Variants in PTPRZ1 observed in about 807,000 individuals in gnomAD.
PTPRZ1 encodes receptor-type tyrosine-protein phosphatase zeta.
Under a neutral mutation model 214.1 loss-of-function variants are expected in PTPRZ1, and 82 were observed. The ratio of observed to expected loss-of-function variants is 0.38; its 90% CI spans 0.32 to 0.46. The LOEUF is 0.46. Ranked by LOEUF, PTPRZ1 falls within the 20% of genes least tolerant of loss-of-function variation. PTPRZ1 has a pLI of 1.00. For missense variants in PTPRZ1, 2,603 were observed against 2,748.7 expected (o/e 0.95, Z 1.19); for synonymous variants, 945 against 987.9 (o/e 0.96, Z 0.81).
chr7:122,054,931 A>T lies in PTPRZ1; in HGVS notation c.6382-10A>T. ...AAATCTAGACTCTTCTTTCATTTGC[A>T]ATTCTGCAGGCAGAAGATGAATTTG... is the stretch of plus-strand genomic sequence containing the variant. On this transcript the variant is annotated splice_polypyrimidine_tract_variant and intron_variant, in intron 26 of 29. Transcript: ENST00000393386. The T allele has an allele frequency of 6.3e-7, 1 of 1,578,930 alleles. No homozygotes were observed.
At chr7:122,045,683 TACACAC>T (rs71172161) in intron 23 of PTPRZ1, among the ~76,000 whole-genome samples, 24 of 146,610 alleles carry the variant, frequency 1.6e-4, no homozygotes, top group Middle Eastern at 3.4e-3. Context: ...CTAAATAAAT[TACACAC>T]ACACACACAC....
At chr7:121,945,724 C>A (rs1218167976) in intron 2 of PTPRZ1, among the ~76,000 whole-genome samples, 5 of 152,252 alleles carry the variant, frequency 3.3e-5, no homozygotes, top group African/African-American at 1.2e-4. Flanking sequence ...CTTATACACA[C>A]CCTAGAGACA....
chr7:122,044,374 T>C (rs1455440674), intron 22 of PTPRZ1, 48 bp from the exon 23 acceptor site: 2 of 1,607,380 alleles, frequency 1.2e-6, no homozygotes, highest in Non-Finnish European at 8.5e-7. Flanking sequence ...GGTAGATACA[T>C]ATGAGGAAAA....
intron 1 of PTPRZ1, among the ~76,000 whole-genome samples, chr7:121,909,896 G>A (rs1449682248): frequency 1.3e-5 from 2 of 152,104 alleles, no homozygotes; most frequent in African/African-American, 4.8e-5. Context: ...ATGAAGCAGG[G>A]TACAGCTGCT....
At position 122,000,634 on chromosome 7, in the gene PTPRZ1, T is replaced by A. The variant is rs759493080; in HGVS notation, c.1240+2628T>A. On this transcript the variant is annotated intron_variant, in intron 10 of 29. Transcript: ENST00000393386. The stretch of plus-strand genomic sequence containing the variant: ...AGATAATTTATAATTGCTGTCATTC[T>A]TTGATAGATTTCATATATATATATA... 7.8e-5 allele frequency among the ~76,000 whole-genome samples: 10 copies of A among 127,446 alleles called. 1 individual carries two copies. Among genetic ancestry groups the A allele is most frequent in the Non-Finnish European group, 1.5e-4 (9 of 61,100 alleles). The allele number at this position is 127,446 out of a possible 152,430, so 83.6% of individuals were successfully genotyped here. A position where few individuals can be genotyped will look rare whatever the true frequency, so the allele number is the denominator to read the frequency against.
chr7:121,946,351 G>A (rs183849343), intron 2 of PTPRZ1, among the ~76,000 whole-genome samples: 305 of 152,250 alleles, frequency 2.0e-3, no homozygotes, highest in African/African-American at 6.8e-3. Flanking sequence ...AATATAATGA[G>A]AGAGAATATA....
intron 2 of PTPRZ1, among the ~76,000 whole-genome samples, chr7:121,951,759 G>T (rs531356941): frequency 6.5e-4 from 99 of 152,186 alleles, no homozygotes; most frequent in African/African-American, 2.2e-3. Context: ...TCACTTCTTA[G>T]TGCCTGCTTC....
At chr7:122,005,493 A>G (rs1303274686) in intron 11 of PTPRZ1, among the ~76,000 whole-genome samples, 31 of 151,984 alleles carry the variant, frequency 2.0e-4, no homozygotes, top group Non-Finnish European at 1.5e-5. Flanking sequence ...AACTATCTTG[A>G]TATTTTATGT....
intron 2 of PTPRZ1, among the ~76,000 whole-genome samples, chr7:121,946,522 C>T (rs1027775103): frequency 9.9e-5 from 15 of 151,916 alleles, no homozygotes; most frequent in Admixed American, 6.6e-5. Flanking sequence ...CCATAGAGCT[C>T]CAATAAACAG....
intron 1 of PTPRZ1, chr7:121,908,752 CAT>C: frequency 2.0e-6 from 1 of 493,122 alleles, no homozygotes; most frequent in Non-Finnish European, 4.0e-6. Flanking sequence ...GCTAGAATAA[CAT>C]TACTAATGAC....
At chr7:122,027,276 G>A (rs1025083374) in intron 13 of PTPRZ1, among the ~76,000 whole-genome samples, 5 of 152,172 alleles carry the variant, frequency 3.3e-5, no homozygotes, top group Non-Finnish European at 5.9e-5. Context: ...ACCAGTGTGG[G>A]CTGGATCCTG....
chr7:121,957,385 G>A (rs764016557), intron 2 of PTPRZ1, among the ~76,000 whole-genome samples: 4 of 152,078 alleles, frequency 2.6e-5, no homozygotes, highest in Non-Finnish European at 5.9e-5. Flanking sequence ...GGAATGCAGC[G>A]TTGCACGAGC....
intron 8 of PTPRZ1, among the ~76,000 whole-genome samples, chr7:121,992,413 T>C (rs1005217186): frequency 1.3e-5 from 2 of 152,210 alleles, no homozygotes; most frequent in Non-Finnish European, 2.9e-5. Context: ...CTTATTAATA[T>C]TTTAGCACCG....
chr7:121,920,094 G>T (rs1795547300), intron 1 of PTPRZ1, among the ~76,000 whole-genome samples: 1 of 151,866 alleles, frequency 6.6e-6, no homozygotes, highest in African/African-American at 2.4e-5. Context: ...GTTCCTTTAT[G>T]AACTTGCTTG....
chr7:122,058,340 A>G (rs1792441118), intron 27 of PTPRZ1, among the ~76,000 whole-genome samples: 1 of 152,082 alleles, frequency 6.6e-6, no homozygotes, highest in Non-Finnish European at 1.5e-5. Flanking sequence ...AGTTGAACCT[A>G]GATCTCTACC....
At chr7:121,911,176 G>A (rs1473903295) in intron 1 of PTPRZ1, among the ~76,000 whole-genome samples, 3 of 151,910 alleles carry the variant, frequency 2.0e-5, no homozygotes, top group African/African-American at 7.2e-5. Context: ...ATTTAATAGT[G>A]CTTTCTTCTA....
rs78270968 is a variant in PTPRZ1 at position 122,011,804 on chromosome 7, C to T, written c.2758C>T (p.Arg920Cys). 189 of 1,614,068 alleles carry T rather than the reference C, an allele frequency of 1.2e-4. No individual in the cohort carries two copies. In the East Asian group the frequency reaches 3.9e-3, roughly 34 times the overall value. ...PPSSDAMMHA[R>C]SSGPEPSYAL... The stretch of plus-strand genomic sequence containing the variant: ...CAGCAGTGATGCCATGATGCATGCA[C>T]GTTCTTCAGGGCCTGAACCTTCTTA... The change falls in exon 12 of 30, where the codon CGT (arginine) becomes TGT (cysteine). Residue 920 changes from arginine (R) to cysteine (C), a missense_variant. This residue lies in a region of PTPRZ1 where 1,913 missense variants were observed against 1,914.3 expected (regional missense o/e 1.00). Coordinates refer to ENST00000393386, the MANE Select transcript of PTPRZ1 (RefSeq NM_002851.3).
intron 10 of PTPRZ1, among the ~76,000 whole-genome samples, chr7:122,000,489 A>T (rs1798283211): frequency 6.6e-6 from 1 of 151,202 alleles, no homozygotes; most frequent in Non-Finnish European, 1.5e-5. Flanking sequence ...TCTGTTAATC[A>T]TGTTATTTTA....
chr7:121,956,510 C>T (rs1029928371), intron 2 of PTPRZ1, among the ~76,000 whole-genome samples: 3 of 152,202 alleles, frequency 2.0e-5, no homozygotes, highest in Admixed American at 6.5e-5. Flanking sequence ...TTTTCACAAC[C>T]GACCCTGACT....
Sources: gnomAD v4.1 joint callset for allele counts (sites outside exome capture counted in the v4.1 genomes callset) on GRCh38, gnomAD v4.1.1 for gene constraint, gnomAD v4.1.1 regional missense constraint, MANE v1.5 for transcripts, NCBI Gene and HGNC (gene_info 2026-07-23, HGNC 2026-07-21) for gene names.